Variants in SCAPER observed in about 807,000 individuals in gnomAD.
SCAPER encodes S-phase cyclin A associated protein in the ER.
SCAPER carries 98 observed loss-of-function variants against 182.2 expected under a neutral mutation model. The observed-to-expected ratio is 0.54, with a 90% CI of 0.46 to 0.64. The LOEUF is 0.64. Ranked by LOEUF, SCAPER falls within the 30% of genes least tolerant of loss-of-function variation. The probability of loss-of-function intolerance (pLI) is 0.00; values close to 1 mark genes in which losing one functional copy is unlikely to be tolerated. For missense variants in SCAPER, 1,432 were observed against 1,690.0 expected (o/e 0.85, Z 2.68); for synonymous variants, 605 against 564.6 (o/e 1.07, Z -1.01).
In SCAPER at chr15:76,883,828, C is replaced by T. The variant is rs1389808376; in HGVS notation, c.-11G>A. The T allele has an allele frequency of 1.3e-6, 2 of 1,530,420 alleles. No individual in the cohort carries two copies. The highest frequency in any genetic ancestry group is 1.8e-6 in the Non-Finnish European group (2 of 1,132,364). 94.8% of individuals were successfully genotyped at this position (1,530,420 alleles called of 1,614,324 possible). ...ATCACTTACCATCATTCTTTAAATTCTCTTCTATGCCAAGATCATTTATCA... is the reference window on the plus strand; with the variant it reads ...ATCACTTACCATCATTCTTTAAATTTTCTTCTATGCCAAGATCATTTATCA... On this transcript the variant is annotated 5_prime_UTR_variant, in exon 2 of 32. Transcript: ENST00000563290.
chr15:76,723,342 C>G (rs964785919), intron 17 of SCAPER, among the ~76,000 whole-genome samples: 2 of 152,138 alleles, frequency 1.3e-5, no homozygotes, highest in African/African-American at 4.8e-5. Flanking sequence ...GAGTGTTTTA[C>G]TTCCAACTAT....
chr15:76,483,834 C>G (rs1400666912), intron 24 of SCAPER, among the ~76,000 whole-genome samples: 1 of 152,218 alleles, frequency 6.6e-6, no homozygotes, highest in East Asian at 1.9e-4. Context: ...ATCCAAAGTA[C>G]TTGACATCAG....
intron 4 of SCAPER, among the ~76,000 whole-genome samples, chr15:76,856,185 C>T (rs1335953851): frequency 2.0e-5 from 3 of 152,118 alleles, no homozygotes. Context: ...AAACCAAATA[C>T]TGCATGTCCT....
chr15:76,793,898 T>C (rs1192988964), intron 8 of SCAPER, among the ~76,000 whole-genome samples: 2 of 152,186 alleles, frequency 1.3e-5, no homozygotes, highest in Non-Finnish European at 2.9e-5. Flanking sequence ...TCTGACACTA[T>C]CTACAGCTCC....
chr15:76,730,259 A>G (rs1277169344), intron 16 of SCAPER, among the ~76,000 whole-genome samples: 1 of 152,132 alleles, frequency 6.6e-6, no homozygotes, highest in East Asian at 1.9e-4. Flanking sequence ...AGCCTTTTAA[A>G]AATAGCCAAA....
At chr15:76,640,652 T>C (rs1341724486) in intron 21 of SCAPER, among the ~76,000 whole-genome samples, 2 of 152,186 alleles carry the variant, frequency 1.3e-5, no homozygotes, top group African/African-American at 4.8e-5. Context: ...TATTCTTCAA[T>C]CCAATCGTGA....
At chr15:76,802,619 C>T (rs925349386) in intron 6 of SCAPER, among the ~76,000 whole-genome samples, 1 of 152,144 alleles carries the variant, frequency 6.6e-6, no homozygotes. Context: ...TTTGGTTTCC[C>T]GGGAATCCAG....
intron 22 of SCAPER, among the ~76,000 whole-genome samples, chr15:76,608,722 G>A (rs561407270): frequency 2.0e-5 from 3 of 152,334 alleles, no homozygotes. Flanking sequence ...ATTCGGCAAT[G>A]GCGGGCGCCC....
chr15:76,697,377 A>G (rs1017755770), intron 20 of SCAPER, among the ~76,000 whole-genome samples: 3 of 152,256 alleles, frequency 2.0e-5, no homozygotes, highest in African/African-American at 7.2e-5. Flanking sequence ...AAACTGAAAC[A>G]GTACACAAAA....
At position 76,733,359 on chromosome 15, in the gene SCAPER, G is replaced by T; in HGVS notation, c.1892C>A (p.Thr631Asn). The change falls in exon 16 of 32, where the codon ACC becomes AAC. Residue 631 changes from threonine (T) to asparagine (N), a missense_variant. Around this residue, in one of 5 missense-constraint regions of SCAPER, gnomAD observed 88 missense variants for 184.2 expected, o/e 0.48. Transcript: ENST00000563290. ...ATGACGTTTATTCTGGGCTTCAAGG[G>T]TATTTATAAAGGCAATTTCATTTAC... ...AKVNEIAFINTLEAQNKRHDV... is the reference protein window; with the variant it reads ...AKVNEIAFINNLEAQNKRHDV... 6.2e-7 allele frequency: 1 copy of T among 1,613,246 alleles called. No homozygotes were observed. The highest frequency in any genetic ancestry group is 1.1e-5 in the South Asian group (1 of 91,026).
chr15:76,785,577 C>T (rs945888417), intron 8 of SCAPER, among the ~76,000 whole-genome samples: 10 of 152,116 alleles, frequency 6.6e-5, no homozygotes, highest in South Asian at 2.1e-4. Context: ...CATATGCACA[C>T]GTATGTTTAT....
intron 5 of SCAPER, among the ~76,000 whole-genome samples, chr15:76,824,505 C>T (rs2151670577): frequency 6.6e-6 from 1 of 152,226 alleles, no homozygotes; most frequent in East Asian, 1.9e-4. Flanking sequence ...CATGAGAAGT[C>T]AGTGACAAAA....
intron 21 of SCAPER, among the ~76,000 whole-genome samples, chr15:76,646,255 T>C (rs952533789): frequency 6.6e-6 from 1 of 152,136 alleles, no homozygotes; most frequent in Non-Finnish European, 1.5e-5. Context: ...TGAATGTAGA[T>C]ACACAAACAC....
At chr15:76,543,909 C>A (rs919423464) in intron 23 of SCAPER, among the ~76,000 whole-genome samples, 4 of 152,114 alleles carry the variant, frequency 2.6e-5, no homozygotes, top group South Asian at 2.1e-4. Flanking sequence ...ACAACCCAGA[C>A]AATGGGAGGA....
chr15:76,561,542 A>C (rs1304995696), intron 23 of SCAPER, among the ~76,000 whole-genome samples: 1 of 152,128 alleles, frequency 6.6e-6, no homozygotes, highest in African/African-American at 2.4e-5. Context: ...ACTTGAGGGA[A>C]GTGTGCTATT....
In SCAPER at chr15:76,816,350, C is replaced by T. The variant is rs115545613; in HGVS notation, c.394-11717G>A. ...ATAACCTCATTCTATAAGCTTTTTCCTATCTAACATTTTTTTTCCTTTTTA... is the reference window on the plus strand; with the variant it reads ...ATAACCTCATTCTATAAGCTTTTTCTTATCTAACATTTTTTTTCCTTTTTA... On this transcript the variant is annotated intron_variant, in intron 5 of 31. Coordinates refer to ENST00000563290, the MANE Select transcript of SCAPER (RefSeq NM_020843.4). 8.1e-3 allele frequency among the ~76,000 whole-genome samples: 1,233 copies of T among 152,124 alleles called. 13 individuals are homozygous for T. Among genetic ancestry groups the T allele is most frequent in the African/African-American group, 0.028 (1,169 of 41,482 alleles).
chr15:76,778,251 G>A (rs900490548), intron 8 of SCAPER, among the ~76,000 whole-genome samples: 1 of 152,048 alleles, frequency 6.6e-6, no homozygotes, highest in African/African-American at 2.4e-5. Flanking sequence ...AAATATTTGA[G>A]ATAATTATAT....
chr15:76,715,232 G>T (rs940420738), intron 17 of SCAPER, among the ~76,000 whole-genome samples: 5 of 150,478 alleles, frequency 3.3e-5, no homozygotes, highest in Non-Finnish European at 5.9e-5. Flanking sequence ...CAGGAGCTCT[G>T]AGCCTCTGGC....
intron 26 of SCAPER, among the ~76,000 whole-genome samples, chr15:76,406,016 T>C (rs1567073134): frequency 1.3e-5 from 2 of 152,078 alleles, no homozygotes; most frequent in Non-Finnish European, 2.9e-5. Flanking sequence ...ACTCCTACAG[T>C]TTTAAAATTG....
Sources: allele counts gnomAD v4.1 joint callset (sites outside exome capture counted in the v4.1 genomes callset), GRCh38; gene constraint gnomAD v4.1.1; regional missense constraint gnomAD v4.1.1; transcripts MANE v1.5; gene names NCBI Gene and HGNC (gene_info 2026-07-23, HGNC 2026-07-21).